Variants in MCOLN3 observed in about 807,000 individuals in gnomAD.
MCOLN3 encodes the protein mucolipin-3.
A neutral mutation model predicts 69.4 loss-of-function variants in MCOLN3; 62 were observed. The observed-to-expected ratio is 0.89, with a 90% confidence interval of 0.73 to 1.10. The LOEUF is 1.10. Among genes scored for constraint, MCOLN3 ranks in the 50% least tolerant of loss-of-function variants. The probability of loss-of-function intolerance (pLI) is 0.00; values close to 1 mark genes in which losing one functional copy is unlikely to be tolerated. For synonymous variants in MCOLN3, 183 were observed against 217.0 expected, an observed-to-expected ratio of 0.84 and a Z score of 1.38; for missense variants, 564 against 656.4, an observed-to-expected ratio of 0.86 and a Z score of 1.54.
chr1:85,031,150 A>G (rs534642323), intron 6 of MCOLN3, among the ~76,000 whole-genome samples: 2 of 151,938 alleles, frequency 1.3e-5, no homozygotes, highest in Non-Finnish European at 2.9e-5. Context: ...GTGTGCCTGT[A>G]GTCCCAGCTA....
chr1:85,046,549 C>A (rs141686013), intron 1 of MCOLN3, among the ~76,000 whole-genome samples: 78 of 152,278 alleles, frequency 5.1e-4, no homozygotes, highest in African/African-American at 1.8e-3. Context: ...TTAATAATAA[C>A]TTGTACTCAG....
In MCOLN3 at chr1:85,026,195, T is replaced by C. The variant is rs771367266; in HGVS notation, c.922A>G (p.Ile308Val). 6.2e-7 allele frequency: 1 copy of C among 1,614,056 alleles called. No individual in the cohort carries two copies. The highest frequency in any genetic ancestry group is 8.5e-7 in the Non-Finnish European group (1 of 1,179,956). ...ACCTGCTGAAGCTGAAGTCCTCTAA[T>C]CACAGATCTAATGCAGAGGATTAAT... ...VSLILCIRSV[I>V]RGLQLQQEFV... The change falls in exon 8 of 13, where the codon ATT becomes GTT. Residue 308 changes from isoleucine to valine, a missense_variant. Ile to Val is a conservative substitution (Grantham distance 29). Transcript: ENST00000370589.
Position 85,034,125 on chromosome 1 carries a change from A to C in MCOLN3, c.523T>G (p.Phe175Val). 6.2e-7 allele frequency: 1 copy of C among 1,614,220 alleles called. No homozygotes were observed. Among genetic ancestry groups the C allele is most frequent in the African/African-American group, 1.3e-5 (1 of 75,068 alleles). The change falls in exon 4 of 13, where the codon TTT becomes GTT. Residue 175 changes from phenylalanine to valine, a missense_variant. By Grantham distance (50) the Phe-to-Val change is conservative (BLOSUM62 -1). Coordinates refer to ENST00000370589, the MANE Select transcript of MCOLN3 (RefSeq NM_018298.11). ...GTTTCAATTTCTGGATCGATGTCAA[A>C]GGTATCATTTCCAGGGTAGATGTTT... ...RGNIYPGNDTFDIDPEIETEC... is the reference protein window; with the variant it reads ...RGNIYPGNDTVDIDPEIETEC...
chr1:85,037,554 C>T (rs1019551068), intron 3 of MCOLN3, among the ~76,000 whole-genome samples: 1 of 152,240 alleles, frequency 6.6e-6, no homozygotes, highest in Non-Finnish European at 1.5e-5. Flanking sequence ...ATTATACCTA[C>T]ATACACCACA....
chr1:85,019,004 G>T lies in MCOLN3; in HGVS notation c.*119C>A. On this transcript the variant is annotated 3_prime_UTR_variant, in exon 13 of 13. Transcript: ENST00000370589. ...ATAAACAGTTATTGGTGAATTATAG[G>T]TCTCAATTAGCTCAAAATAACAGTC... The T allele has an allele frequency of 5.7e-6, 5 of 877,618 alleles. No individual in the cohort carries two copies. Among genetic ancestry groups the T allele is most frequent in the South Asian group, 2.2e-5 (1 of 45,756 alleles). The allele number at this position is 877,618 out of a possible 1,614,324, so 54.4% of individuals were successfully genotyped here. A position where few individuals can be genotyped will look rare whatever the true frequency, so the allele number is the denominator to read the frequency against.
intron 2 of MCOLN3, 40 bp from the exon 3 acceptor site, chr1:85,041,217 G>A (rs1285069553): frequency 1.3e-6 from 2 of 1,567,496 alleles, no homozygotes; most frequent in African/African-American, 1.4e-5. Context: ...GGTGGAAAAT[G>A]TGGGCAGAAA....
Position 85,032,770 on chromosome 1 carries a change from A to T in MCOLN3, c.658T>A (p.Phe220Ile). Residue 220 changes from phenylalanine (F) to isoleucine (I), a missense_variant, in exon 6 of 13, where the codon TTT (phenylalanine) becomes ATT (isoleucine). Phe to Ile is a conservative substitution (Grantham distance 21). Coordinates refer to ENST00000370589, the MANE Select transcript of MCOLN3 (RefSeq NM_018298.11). ...TGCAGATTAATGGCTTTCAGTTTAA[A>T]CTGAAGCTCCACTGTTAGGAGTCTA... ...FHRLLTVELQ[F>I]KLKAINLQTV... is the part of the protein sequence containing the mutation. The T allele has an allele frequency of 1.2e-6, 2 of 1,614,092 alleles. No homozygotes were observed. The highest frequency in any genetic ancestry group is 1.7e-6 in the Non-Finnish European group (2 of 1,179,940).
intron 6 of MCOLN3, 200 bp from the exon 7 acceptor site, chr1:85,029,405 G>A: frequency 1.9e-6 from 1 of 536,340 alleles, no homozygotes; most frequent in African/African-American, 1.9e-5. Context: ...ATCTTCTACA[G>A]AGACCCTGTA....
At chr1:85,038,665 C>G (rs958266764) in intron 3 of MCOLN3, among the ~76,000 whole-genome samples, 1 of 152,182 alleles carries the variant, frequency 6.6e-6, no homozygotes, top group Non-Finnish European at 1.5e-5. Flanking sequence ...GCTTTCTTCA[C>G]AGAAAACAAA....
intron 9 of MCOLN3, chr1:85,022,858 T>C (rs1283689683): frequency 6.3e-6 from 1 of 158,604 alleles, no homozygotes; most frequent in Non-Finnish European, 1.4e-5. Context: ...GGGTATACAG[T>C]TATAGAGATA....
At chr1:85,043,454 C>T (rs960369193) in intron 2 of MCOLN3, among the ~76,000 whole-genome samples, 2 of 151,012 alleles carry the variant, frequency 1.3e-5, no homozygotes, top group African/African-American at 4.9e-5. Context: ...CGCTTGAACC[C>T]GGGAGGCGGA....
chr1:85,040,317 T>A (rs1652998337), intron 3 of MCOLN3, among the ~76,000 whole-genome samples: 1 of 152,170 alleles, frequency 6.6e-6, no homozygotes, highest in African/African-American at 2.4e-5. Flanking sequence ...CGATAATAAT[T>A]TTCTGAAGAA....
intron 3 of MCOLN3, among the ~76,000 whole-genome samples, chr1:85,039,960 A>AAAAG (rs1652982338): frequency 6.6e-6 from 1 of 151,398 alleles, no homozygotes; most frequent in African/African-American, 2.4e-5. Context: ...CAAAAAAAAA[A>AAAAG]AAATTTAATG....
In MCOLN3 at chr1:85,032,854, C is replaced by G. The variant is rs1652608507; in HGVS notation, c.635+18G>C. The G allele has an allele frequency of 1.2e-6, 2 of 1,613,906 alleles. No homozygotes were observed. Among genetic ancestry groups the G allele is most frequent in the Non-Finnish European group, 1.7e-6 (2 of 1,179,882 alleles). ...TATACGTGCAAACGTAAGTTACACT[C>G]CTGTCTGCTCCCCTCACCTGTGGAA... On this transcript the variant is annotated intron_variant, in intron 5 of 12. Coordinates refer to ENST00000370589, the MANE Select transcript of MCOLN3 (RefSeq NM_018298.11).
At position 85,019,036 on chromosome 1, in the gene MCOLN3, C is replaced by T; in HGVS notation, c.*87G>A. 1.5e-6 allele frequency: 2 copies of T among 1,316,366 alleles called. No individual in the cohort carries two copies. The highest frequency in any genetic ancestry group is 2.9e-5 in the South Asian group (2 of 68,882). The allele number at this position is 1,316,366 out of a possible 1,614,324, so 81.5% of individuals were successfully genotyped here. ...TTAGCTCAAAATAACAGTCTTCAAA[C>T]ATACTACATCTGATCTCAGAATATC... On this transcript the variant is annotated 3_prime_UTR_variant, in exon 13 of 13. Transcript: ENST00000370589.
At chr1:85,046,699 A>G (rs1653370779) in intron 1 of MCOLN3, among the ~76,000 whole-genome samples, 1 of 152,250 alleles carries the variant, frequency 6.6e-6, no homozygotes, top group African/African-American at 2.4e-5. Context: ...ATCTCCGAAC[A>G]ATAGATACTG....
At chr1:85,047,281 C>G (rs1356522254) in intron 1 of MCOLN3, 16 of 152,290 alleles carry the variant, frequency 1.1e-4, no homozygotes, top group Admixed American at 1.0e-3. Context: ...TCCCGGTAGA[C>G]ATTTCATTCA....
chr1:85,027,980 G>A (rs1652307442), intron 7 of MCOLN3, among the ~76,000 whole-genome samples: 1 of 152,144 alleles, frequency 6.6e-6, no homozygotes, highest in Non-Finnish European at 1.5e-5. Context: ...ATCTGCCAAG[G>A]AGCATAATTA....
At chr1:85,038,982 G>A (rs1652932612) in intron 3 of MCOLN3, among the ~76,000 whole-genome samples, 2 of 152,024 alleles carry the variant, frequency 1.3e-5, no homozygotes, top group African/African-American at 4.8e-5. Context: ...GTGACATGGT[G>A]AGACCCTGTC....
Sources: allele counts gnomAD v4.1 joint callset (sites outside exome capture counted in the v4.1 genomes callset), GRCh38; gene constraint gnomAD v4.1.1; transcripts MANE v1.5; gene names NCBI Gene and HGNC (gene_info 2026-07-23, HGNC 2026-07-21).